Variants in DYNC2I2 observed in about 807,000 individuals in gnomAD.
DYNC2I2 encodes the protein dynein 2 intermediate chain 2.
In DYNC2I2, 39 loss-of-function variants were observed where a neutral mutation model predicts 52.0. That is an observed-to-expected ratio of 0.75 (90% CI 0.58 to 0.98). The LOEUF (loss-of-function observed/expected upper bound fraction) is 0.98. DYNC2I2 is among the 50% of genes least tolerant of loss of function. DYNC2I2 has a pLI of 0.00. For missense variants in DYNC2I2, 743 were observed against 728.4 expected, an observed-to-expected ratio of 1.02 and a Z score of -0.23; for synonymous variants, 359 against 321.1, an observed-to-expected ratio of 1.12 and a Z score of -1.26.
chr9:128,668,746 G>A, the DYNC2I2 span, among the ~76,000 whole-genome samples: 5 of 151,178 alleles, frequency 3.3e-5, no homozygotes, highest in Non-Finnish European at 7.4e-5. Context: ...CTTGATCCCA[G>A]GAGGTAGAAG....
At chr9:128,662,209 G>A in the DYNC2I2 span, among the ~76,000 whole-genome samples, 3 of 151,466 alleles carry the variant, frequency 2.0e-5, no homozygotes, top group South Asian at 4.2e-4. Flanking sequence ...CTCCAGCCTG[G>A]GCAACAGCGC....
chr9:128,676,908 G>A, the DYNC2I2 span, among the ~76,000 whole-genome samples: 3 of 151,500 alleles, frequency 2.0e-5, no homozygotes, highest in Non-Finnish European at 2.9e-5. Flanking sequence ...GAATGCAGTG[G>A]CGAGATCTCT....
chr9:128,662,120 C>T, the DYNC2I2 span, among the ~76,000 whole-genome samples: 5 of 151,556 alleles, frequency 3.3e-5, no homozygotes, highest in Non-Finnish European at 7.4e-5. Context: ...GTAGTCCCAG[C>T]TACTTTGGAG....
At chr9:128,683,648 G>C in the DYNC2I2 span, 1 of 417,844 alleles carries the variant, frequency 2.4e-6, no homozygotes, top group Non-Finnish European at 4.3e-6. Context: ...CTCCCCCAAA[G>C]CCAAGAGTGC....
At chr9:128,683,273 T>TTTC in the DYNC2I2 span, among the ~76,000 whole-genome samples, 1 of 33,040 alleles carries the variant, frequency 3.0e-5, no homozygotes, top group South Asian at 1.2e-3. Flanking sequence ...TAATTCTTTC[T>TTTC]TTCTTCTTTT....
the DYNC2I2 span, among the ~76,000 whole-genome samples, chr9:128,679,029 A>G: frequency 6.6e-6 from 1 of 152,208 alleles, no homozygotes; most frequent in Middle Eastern, 3.4e-3. Flanking sequence ...AGATTGCGTC[A>G]CTGCACTCCA....
chr9:128,648,480 C>CGCCAA (rs1301206271), intron 1 of DYNC2I2, among the ~76,000 whole-genome samples: 15 of 151,868 alleles, frequency 9.9e-5, no homozygotes, highest in East Asian at 9.7e-4. Context: ...AGCCAGGCCC[C>CGCCAA]GCCAAGCCAA....
chr9:128,662,040 CA>C, the DYNC2I2 span, among the ~76,000 whole-genome samples: 378 of 127,476 alleles, frequency 3.0e-3, 1 homozygote, highest in African/African-American at 6.1e-3. Flanking sequence ...GACTCCATCT[CA>C]AAAAAAAAAA....
At chr9:128,648,701 G>A (rs1202109421) in intron 1 of DYNC2I2, among the ~76,000 whole-genome samples, 1 of 151,780 alleles carries the variant, frequency 6.6e-6, no homozygotes, top group Non-Finnish European at 1.5e-5. Flanking sequence ...TAGGGTGGCT[G>A]AGGTGGGAGG....
chr9:128,634,837 C>G lies in DYNC2I2; in HGVS notation c.1066G>C (p.Gly356Arg), dbSNP rs17849504. ...AGGGAACACTTGAGCGGGAAGCCGC[C>G]TTCCGTGCCCAGAATGAACAGCCTA... ...DPRLFILGTE[G>R]GFPLKCSLAA... The change falls in exon 7 of 9, where the codon GGC (glycine) becomes CGC (arginine). Residue 356 changes from glycine to arginine, a missense_variant. Coordinates refer to ENST00000372715, the MANE Select transcript of DYNC2I2 (RefSeq NM_052844.4). 6.2e-7 allele frequency: 1 copy of G among 1,613,520 alleles called. No homozygotes were observed. The highest frequency in any genetic ancestry group is 2.2e-5 in the East Asian group (1 of 44,870).
At chr9:128,639,691 AG>A (rs1860475428) in intron 2 of DYNC2I2, among the ~76,000 whole-genome samples, 1 of 151,808 alleles carries the variant, frequency 6.6e-6, no homozygotes, top group Admixed American at 6.6e-5. Flanking sequence ...TTTGAGATGG[AG>A]TCTTGCTCTG....
intron 1 of DYNC2I2, among the ~76,000 whole-genome samples, chr9:128,654,585 T>C (rs887023818): frequency 6.6e-6 from 1 of 151,720 alleles, no homozygotes; most frequent in Non-Finnish European, 1.5e-5. Flanking sequence ...AAAGTTAGGG[T>C]CTCATTCTGT....
chr9:128,677,571 G>A, the DYNC2I2 span, among the ~76,000 whole-genome samples: 1 of 152,082 alleles, frequency 6.6e-6, no homozygotes, highest in African/African-American at 2.4e-5. Context: ...GCTGAGGTGG[G>A]TGGATCACCT....
Position 128,655,335 on chromosome 9 carries a change from TAAAAAAAAA to T in DYNC2I2, c.186+1197_186+1205del, listed in dbSNP as rs869197100. On this transcript the variant is annotated intron_variant, in intron 1 of 8. Coordinates refer to ENST00000372715, the MANE Select transcript of DYNC2I2 (RefSeq NM_052844.4). ...TAACACGGTGAAACCCCGTCTCTAC[TAAAAAAAAA>T]AAAAAAAAAAAAAAAAATTAGCCGG... Among the ~76,000 whole-genome samples, 12 of 18,694 alleles carry T rather than the reference TAAAAAAAAA, an allele frequency of 6.4e-4. 2 individuals carry two copies. In the East Asian group the frequency reaches 8.5e-3, roughly 13 times the overall value. The allele number at this position is 18,694 out of a possible 152,430, so 12.3% of individuals were successfully genotyped here.
chr9:128,668,541 G>T, the DYNC2I2 span, among the ~76,000 whole-genome samples: 1 of 148,038 alleles, frequency 6.8e-6, no homozygotes, highest in Non-Finnish European at 1.5e-5. Context: ...AAAAAAAAAA[G>T]GCTGGGCGCA....
chr9:128,667,601 C>T, the DYNC2I2 span, among the ~76,000 whole-genome samples: 3 of 149,586 alleles, frequency 2.0e-5, no homozygotes, highest in Admixed American at 6.8e-5. Flanking sequence ...GACACAGCCT[C>T]GCTCTGACAC....
intron 4 of DYNC2I2, 126 bp downstream of exon 4, chr9:128,636,155 T>A: frequency 3.6e-6 from 5 of 1,405,134 alleles, no homozygotes; most frequent in Non-Finnish European, 4.9e-6. Flanking sequence ...GGCTCCAGAC[T>A]GAGAGGGTCA....
chr9:128,634,534 A>G, intron 7 of DYNC2I2, 151 bp from the exon 8 acceptor site: 2 of 1,309,400 alleles, frequency 1.5e-6, no homozygotes, highest in East Asian at 2.5e-5. Context: ...TAGAGAAGGG[A>G]CGATGCCTGG....
At chr9:128,659,935 T>C (rs1311412345), upstream of DYNC2I2, among the ~76,000 whole-genome samples, 13 of 150,916 alleles carry the variant, frequency 8.6e-5, 1 homozygote, top group Non-Finnish European at 1.6e-4. Context: ...CCAGGTGTAG[T>C]GGCATGCATC....
Sources: allele counts gnomAD v4.1 joint callset (sites outside exome capture counted in the v4.1 genomes callset), GRCh38; gene constraint gnomAD v4.1.1; transcripts MANE v1.5; gene names NCBI Gene and HGNC (gene_info 2026-07-23, HGNC 2026-07-21).